SH3GL3: variants seen among roughly 807,000 people sequenced by gnomAD.
SH3GL3 encodes endophilin-A3.
In SH3GL3, 33 loss-of-function variants were observed where a neutral mutation model predicts 47.7. That is an observed-to-expected ratio of 0.69 (90% CI 0.52 to 0.92). The LOEUF (loss-of-function observed/expected upper bound fraction) is 0.92, where lower values mean the gene tolerates loss of function less well. SH3GL3 is among the 40% of genes least tolerant of loss of function. SH3GL3 has a pLI of 0.00. For synonymous variants in SH3GL3, 155 were observed against 148.8 expected (o/e 1.04, Z -0.30); for missense variants, 363 against 417.8 (o/e 0.87, Z 1.14).
chr15:83,527,869 G>T (rs1048279895), intron 1 of SH3GL3, among the ~76,000 whole-genome samples: 2 of 151,138 alleles, frequency 1.3e-5, no homozygotes, highest in Admixed American at 6.6e-5. Context: ...TTCCTCATTT[G>T]GGTGTTTGCT....
intron 8 of SH3GL3, among the ~76,000 whole-genome samples, chr15:83,601,509 C>A (rs749337001): frequency 6.6e-6 from 1 of 152,078 alleles, no homozygotes; most frequent in Non-Finnish European, 1.5e-5. Flanking sequence ...TATTGACTTG[C>A]GTATGTTAAA....
chr15:83,591,473 G>GTTT (rs11433788), intron 8 of SH3GL3, among the ~76,000 whole-genome samples: 51 of 147,494 alleles, frequency 3.5e-4, no homozygotes, highest in South Asian at 1.9e-3. Context: ...ATCCTTAAAG[G>GTTT]TTTTTTTTTT....
chr15:83,588,636 G>A, intron 7 of SH3GL3, 26 bp from the exon 8 acceptor site: 1 of 1,352,958 alleles, frequency 7.4e-7, no homozygotes, highest in Non-Finnish European at 1.1e-6. Flanking sequence ...TCAGATGTCT[G>A]GCTCATCTTA....
intron 1 of SH3GL3, among the ~76,000 whole-genome samples, chr15:83,513,003 T>A (rs1033217967): frequency 1.4e-4 from 22 of 152,324 alleles, no homozygotes; most frequent in South Asian, 6.2e-4. Flanking sequence ...CAAATCCACA[T>A]ACTCCTTTTC....
chr15:83,612,572 C>A (rs2060697234), intron 8 of SH3GL3, among the ~76,000 whole-genome samples: 1 of 152,328 alleles, frequency 6.6e-6, no homozygotes, highest in East Asian at 1.9e-4. Flanking sequence ...TGGGCTCCAG[C>A]CCCCGTGTTA....
intron 1 of SH3GL3, among the ~76,000 whole-genome samples, chr15:83,533,746 A>G (rs1166668928): frequency 6.6e-6 from 1 of 152,038 alleles, no homozygotes; most frequent in Non-Finnish European, 1.5e-5. Flanking sequence ...AAGGAGGGGA[A>G]AGTGGGGCAG....
At chr15:83,561,570 AAG>A (rs2045274889) in intron 2 of SH3GL3, among the ~76,000 whole-genome samples, 1 of 152,194 alleles carries the variant, frequency 6.6e-6, no homozygotes, top group Non-Finnish European at 1.5e-5. Flanking sequence ...TGGATAAAAA[AAG>A]AGATTAATAA....
intron 1 of SH3GL3, among the ~76,000 whole-genome samples, chr15:83,449,235 A>G (rs2039610085): frequency 6.6e-6 from 1 of 152,226 alleles, no homozygotes; most frequent in East Asian, 1.9e-4. Context: ...AACACAGGAA[A>G]GAAAGAACTC....
rs184361659 is a variant in SH3GL3, at chr15:83,491,098, G to A, written c.45+43520G>A. Among the ~76,000 whole-genome samples the A allele has an allele frequency of 2.6e-3, 399 of 152,304 alleles. 1 individual carries two copies. The highest frequency in any genetic ancestry group is 4.3e-3 in the Non-Finnish European group (290 of 68,016). On this transcript the variant is annotated intron_variant, in intron 1 of 8. Transcript: ENST00000427482. ...GTCTAATGTGTGCTGGGGAGAGTCC[G>A]AGAATCCTGTGGGTACAGAGAAAAG...
At chr15:83,503,168 GA>G (rs1180485314) in intron 1 of SH3GL3, among the ~76,000 whole-genome samples, 3 of 151,702 alleles carry the variant, frequency 2.0e-5, no homozygotes, top group South Asian at 2.1e-4. Flanking sequence ...TACAAAAAAA[GA>G]AAAAAACATT....
chr15:83,562,174 TC>T (rs56265020), intron 2 of SH3GL3, among the ~76,000 whole-genome samples: 21,571 of 151,998 alleles, frequency 0.14, 1,618 homozygotes, highest in East Asian at 0.21. Flanking sequence ...TGAATGCTCA[TC>T]TTGACTCCAC....
chr15:83,623,384 G>A (rs1360630892), downstream of SH3GL3, among the ~76,000 whole-genome samples: 2 of 152,232 alleles, frequency 1.3e-5, no homozygotes, highest in Non-Finnish European at 2.9e-5. Flanking sequence ...GTTGGCTGTT[G>A]GTTGGGGCTG....
intron 1 of SH3GL3, among the ~76,000 whole-genome samples, chr15:83,551,869 A>G (rs996467106): frequency 1.3e-5 from 2 of 152,048 alleles, no homozygotes; most frequent in African/African-American, 2.4e-5. Flanking sequence ...GTAGATAATC[A>G]TTACTGATCT....
At position 83,510,162 on chromosome 15, in the gene SH3GL3, C is replaced by A. The variant is rs553184833; in HGVS notation, c.46-49091C>A. On this transcript the variant is annotated intron_variant, in intron 1 of 8. Coordinates refer to ENST00000427482, the MANE Select transcript of SH3GL3 (RefSeq NM_003027.5). ...TGTGCCATCATCAGACAACTTCATC[C>A]AGAATGCACAGCAACTCTGTAATAT... 3.3e-5 allele frequency among the ~76,000 whole-genome samples: 5 copies of A among 152,126 alleles called. No homozygotes were observed. In the South Asian group the frequency reaches 1.0e-3, roughly 32 times the overall value.
chr15:83,448,365 C>T lies in SH3GL3; in HGVS notation c.45+787C>T, dbSNP rs1011513398. Among the ~76,000 whole-genome samples the T allele has an allele frequency of 6.6e-6, 1 of 150,882 alleles. No homozygotes were observed. Among genetic ancestry groups the T allele is most frequent in the Non-Finnish European group, 1.5e-5 (1 of 67,870 alleles). ...AATTAAGTATGAGGAAGAATTATGGCTGAGGGTGTGGGATGATAGGAGGAA... is the reference window on the plus strand; with the variant it reads ...AATTAAGTATGAGGAAGAATTATGGTTGAGGGTGTGGGATGATAGGAGGAA... On this transcript the variant is annotated intron_variant, in intron 1 of 8. Transcript: ENST00000427482. The surrounding 1 kb of genome is among the most constrained non-coding windows in gnomAD (Gnocchi z 4.2).
At chr15:83,501,982 A>G (rs1409141245) in intron 1 of SH3GL3, among the ~76,000 whole-genome samples, 1 of 152,244 alleles carries the variant, frequency 6.6e-6, no homozygotes, top group Non-Finnish European at 1.5e-5. Context: ...TTAGAAAAAT[A>G]GGTGTTTTAT....
At chr15:83,462,841 A>G (rs2040369667) in intron 1 of SH3GL3, among the ~76,000 whole-genome samples, 1 of 152,196 alleles carries the variant, frequency 6.6e-6, no homozygotes, top group African/African-American at 2.4e-5. Context: ...TGTTGCTCAA[A>G]TGTGGCTAAA....
In SH3GL3 at chr15:83,584,512, T is replaced by G. The variant is rs546892845; in HGVS notation, c.625-2471T>G. On this transcript the variant is annotated intron_variant, in intron 6 of 8. Transcript: ENST00000427482. ...TTTATGGTTCTGTGTGTCTCCCAAGTTGCTTCTTCACAGCCCTCACTTCAC... is the reference window on the plus strand; with the variant it reads ...TTTATGGTTCTGTGTGTCTCCCAAGGTGCTTCTTCACAGCCCTCACTTCAC... 8.5e-5 allele frequency among the ~76,000 whole-genome samples: 13 copies of G among 152,308 alleles called. No homozygotes were observed. The South Asian group carries it at 2.7e-3, about 32-fold the overall frequency.
intron 1 of SH3GL3, among the ~76,000 whole-genome samples, chr15:83,450,804 A>ATTTTTTTTTTTTTTTTTTTT (rs34099509): frequency 1.7e-5 from 1 of 58,790 alleles, no homozygotes; most frequent in Admixed American, 2.6e-4. Context: ...TTTTTTTTTA[A>ATTTTTTTTTTTTTTTTTTTT]TTTTTTTTTT....
Sources: gnomAD v4.1 joint callset for allele counts (sites outside exome capture counted in the v4.1 genomes callset) on GRCh38, gnomAD v4.1.1 for gene constraint, Gnocchi (gnomAD v3.1) non-coding constraint, MANE v1.5 for transcripts, NCBI Gene and HGNC (gene_info 2026-07-23, HGNC 2026-07-21) for gene names.